DAGLA: variants seen among roughly 807,000 people sequenced by gnomAD.
The protein encoded by DAGLA is diacylglycerol lipase alpha.
Under a neutral mutation model 102.6 loss-of-function variants are expected in DAGLA, and 22 were observed. The observed-to-expected ratio is 0.21, with a 90% CI of 0.15 to 0.31. The LOEUF (loss-of-function observed/expected upper bound fraction) is 0.31, where lower values mean the gene tolerates loss of function less well. DAGLA is among the 10% of genes least tolerant of loss of function. DAGLA has a pLI of 1.00. For synonymous variants in DAGLA, 578 were observed against 628.9 expected (o/e 0.92, Z 1.21); for missense variants, 927 against 1,446.6 (o/e 0.64, Z 5.83).
chr11:61,681,952 G>T (rs970318633), intron 1 of DAGLA, among the ~76,000 whole-genome samples: 1 of 152,120 alleles, frequency 6.6e-6, no homozygotes, highest in Non-Finnish European at 1.5e-5. Context: ...TGGATCTCTT[G>T]GGGGAGTGGG....
chr11:61,737,822 A>AC, intron 15 of DAGLA, 67 bp downstream of exon 15: 1 of 1,176,682 alleles, frequency 8.5e-7, no homozygotes, highest in Non-Finnish European at 1.2e-6. Flanking sequence ...GCCTCTCCCC[A>AC]CCCCCAGCCC....
At position 61,743,976 on chromosome 11, in the gene DAGLA, T is replaced by C; in HGVS notation, c.2616T>C (p.Ser872=). ...GCGTCACTCCTGAGCGGCCCCCCAG[T>C]GCTGCGGCCAATGACGAGGAGGAAG... is the stretch of plus-strand genomic sequence containing the variant. ...SGGVTPERPP[S]AAANDEEEEV... Residue 872 remains serine (S), a synonymous_variant, in exon 20 of 20, where the codon AGT becomes AGC. Coordinates refer to ENST00000257215, the MANE Select transcript of DAGLA (RefSeq NM_006133.3). 1.9e-6 allele frequency: 3 copies of C among 1,611,868 alleles called. No homozygotes were observed. Among genetic ancestry groups the C allele is most frequent in the Non-Finnish European group, 2.5e-6 (3 of 1,179,656 alleles).
At chr11:61,703,883 TC>T (rs2065129548) in intron 1 of DAGLA, among the ~76,000 whole-genome samples, 1 of 152,180 alleles carries the variant, frequency 6.6e-6, no homozygotes, top group Non-Finnish European at 1.5e-5. Context: ...GATCCAAAGA[TC>T]CAGGGAAACT....
At chr11:61,737,466 G>C (rs1591052522) in intron 14 of DAGLA, 142 bp downstream of exon 14, 2 of 1,292,404 alleles carry the variant, frequency 1.5e-6, no homozygotes, top group East Asian at 4.6e-5. Context: ...TGGAGGGTGG[G>C]GGCTCTGAAA....
chr11:61,741,482 C>G, intron 19 of DAGLA, 133 bp downstream of exon 19: 2 of 1,001,604 alleles, frequency 2.0e-6, no homozygotes, highest in East Asian at 5.4e-5. Context: ...CAAACTCACC[C>G]TCTGTGCTCT....
rs531545431 is a variant in DAGLA, at chr11:61,736,696, G to A, written c.1371+346G>A. 1.1e-3 allele frequency among the ~76,000 whole-genome samples: 169 copies of A among 152,342 alleles called. 5 individuals carry two copies. The South Asian group carries it at 0.034, about 31-fold the overall frequency. ...ATACAGAGCAGAGAGAAGGGGTGCT[G>A]CTCTACCTAGGGGGGAACTGAGTCC... On this transcript the variant is annotated intron_variant, in intron 13 of 19. Coordinates refer to ENST00000257215, the MANE Select transcript of DAGLA (RefSeq NM_006133.3).
intron 1 of DAGLA, among the ~76,000 whole-genome samples, chr11:61,716,584 T>C (rs2065237353): frequency 6.6e-6 from 1 of 152,052 alleles, no homozygotes; most frequent in South Asian, 2.1e-4. Context: ...CTGGAGTCTG[T>C]CTGCACCAGG....
At chr11:61,716,540 C>T (rs1257273520) in intron 1 of DAGLA, among the ~76,000 whole-genome samples, 1 of 8,270 alleles carries the variant, frequency 1.2e-4, no homozygotes. Context: ...GCCTCTCCAG[C>T]CAGAGGATTT....
At chr11:61,735,447 C>A in intron 10 of DAGLA, 114 bp from the exon 11 acceptor site, 1 of 899,002 alleles carries the variant, frequency 1.1e-6, no homozygotes, top group Non-Finnish European at 1.7e-6. Flanking sequence ...GCGGCAGAGG[C>A]TCCGTGGCTG....
intron 1 of DAGLA, among the ~76,000 whole-genome samples, chr11:61,697,384 C>T (rs977408355): frequency 2.6e-5 from 4 of 152,202 alleles, no homozygotes; most frequent in African/African-American, 7.2e-5. Context: ...CCAGCATTAC[C>T]TCAGTCCTCG....
chr11:61,689,868 G>A (rs1308728847), intron 1 of DAGLA, among the ~76,000 whole-genome samples: 1 of 152,068 alleles, frequency 6.6e-6, no homozygotes, highest in Non-Finnish European at 1.5e-5. Flanking sequence ...GAGGCCTTTA[G>A]GGGAAGCCAG....
intron 16 of DAGLA, 123 bp downstream of exon 16, chr11:61,738,330 C>T (rs1263354962): frequency 2.6e-5 from 20 of 783,318 alleles, no homozygotes; most frequent in Non-Finnish European, 3.9e-5. Flanking sequence ...CAGGGTGTGG[C>T]TGGTGTTGTG....
At chr11:61,714,967 T>C (rs1408916818) in intron 1 of DAGLA, among the ~76,000 whole-genome samples, 1 of 152,202 alleles carries the variant, frequency 6.6e-6, no homozygotes, top group Non-Finnish European at 1.5e-5. Context: ...TGACAGGCGC[T>C]GTTTGAAGTG....
At chr11:61,692,575 C>T (rs2065032753) in intron 1 of DAGLA, among the ~76,000 whole-genome samples, 1 of 152,066 alleles carries the variant, frequency 6.6e-6, no homozygotes, top group Non-Finnish European at 1.5e-5. Flanking sequence ...AATCCCCGCT[C>T]CCCACTCCCA....
rs748392533 is a variant in DAGLA, at chr11:61,722,936, C to T, written c.385C>T (p.Leu129Phe). The change falls in exon 4 of 20, where the codon CTC becomes TTC. Residue 129 changes from leucine to phenylalanine, a missense_variant. Physicochemically the swap from Leu to Phe is conservative, Grantham distance 22. Transcript: ENST00000257215. ...LTQYYTSCNDLTAKNVTLGMV... is the reference protein window; with the variant it reads ...LTQYYTSCNDFTAKNVTLGMV... ...TCAGTACTACACCTCCTGCAACGAC[C>T]TCACTGCCAAGAATGTCACCCTCGG... 8 of 1,614,088 alleles carry T rather than the reference C, an allele frequency of 5.0e-6. No homozygotes were observed. The South Asian group carries it at 8.8e-5, about 18-fold the overall frequency.
intron 1 of DAGLA, among the ~76,000 whole-genome samples, chr11:61,711,085 G>C (rs1458865598): frequency 6.6e-6 from 1 of 152,198 alleles, no homozygotes; most frequent in Non-Finnish European, 1.5e-5. Context: ...GCGTTCCCGG[G>C]AGAGTGGGGT....
intron 1 of DAGLA, among the ~76,000 whole-genome samples, chr11:61,682,243 C>T (rs777730598): frequency 2.0e-5 from 3 of 152,054 alleles, no homozygotes; most frequent in African/African-American, 4.8e-5. Context: ...AAATGGTGCA[C>T]GTGGAAACAC....
Position 61,744,029 on chromosome 11 carries a change from CCTCCCGCGGGGAGCTGGCG to C in DAGLA, c.2672_2690del (p.Ser891CysfsTer107). 6.2e-7 allele frequency: 1 copy of C among 1,612,188 alleles called. No homozygotes were observed. The highest frequency in any genetic ancestry group is 8.5e-7 in the Non-Finnish European group (1 of 1,179,728). On this transcript the variant is annotated frameshift_variant, in exon 20 of 20. Transcript: ENST00000257215. LOFTEE classifies it high-confidence loss of function. ...GTTGGCGGTGGGGGTGGCGGGCCGGCCTCCCGCGGGGAGCTGGCGCTGCACAATGGGCGCCTGGGGGACT... is the reference window on the plus strand; with the variant it reads ...GTTGGCGGTGGGGGTGGCGGGCCGGCCTGCACAATGGGCGCCTGGGGGACT...
intron 5 of DAGLA, among the ~76,000 whole-genome samples, chr11:61,724,625 C>G (rs374227771): frequency 6.6e-6 from 1 of 152,214 alleles, no homozygotes; most frequent in African/African-American, 2.4e-5. Flanking sequence ...CGTGGACCTT[C>G]CACGTCAGCT....
Sources: allele counts gnomAD v4.1 joint callset (sites outside exome capture counted in the v4.1 genomes callset), GRCh38; gene constraint gnomAD v4.1.1; transcripts MANE v1.5; gene names NCBI Gene and HGNC (gene_info 2026-07-23, HGNC 2026-07-21).